SDK1: variants seen among roughly 807,000 people sequenced by gnomAD.
SDK1 encodes the protein sidekick cell adhesion molecule 1.
In SDK1, 157 loss-of-function variants were observed where a neutral mutation model predicts 245.5. The ratio of observed to expected loss-of-function variants is 0.64; its 90% CI spans 0.56 to 0.73. The LOEUF is 0.73. Among genes scored for constraint, SDK1 ranks in the 30% least tolerant of loss-of-function variants. The probability of loss-of-function intolerance (pLI) is 0.00; values close to 1 mark genes in which losing one functional copy is unlikely to be tolerated. For synonymous variants in SDK1, 1,647 were observed against 1,278.5 expected, an observed-to-expected ratio of 1.29 and a Z score of -6.15; for missense variants, 3,583 against 3,002.3, an observed-to-expected ratio of 1.19 and a Z score of -4.52.
At chr7:3,619,933 T>A (rs1222416479) in intron 2 of SDK1, among the ~76,000 whole-genome samples, 2 of 152,192 alleles carry the variant, frequency 1.3e-5, no homozygotes, top group Non-Finnish European at 2.9e-5. Flanking sequence ...CTTACCACGC[T>A]TCAGAGCTTT....
intron 13 of SDK1, among the ~76,000 whole-genome samples, chr7:3,980,705 A>T (rs558626307): frequency 6.6e-6 from 1 of 152,340 alleles, no homozygotes; most frequent in South Asian, 2.1e-4. Flanking sequence ...GCACTTTGGG[A>T]GGCCGAGGCA....
chr7:3,768,760 C>T (rs1329314705), intron 4 of SDK1, among the ~76,000 whole-genome samples: 1 of 152,228 alleles, frequency 6.6e-6, no homozygotes, highest in Non-Finnish European at 1.5e-5. Flanking sequence ...ACCAATGCTT[C>T]ACACTTTCTG....
chr7:4,245,773 AAGG>A lies in SDK1; in HGVS notation c.6352_6354del (p.Glu2118del). The A allele has an allele frequency of 6.2e-7, 1 of 1,613,922 alleles. No homozygotes were observed. The highest frequency in any genetic ancestry group is 1.1e-5 in the South Asian group (1 of 91,068). On this transcript the variant is annotated inframe_deletion, in exon 44 of 45. Transcript: ENST00000404826. ...CGTGCTGACCGAGAGCGTGAGCCTC[AAGG>A]AGAAGTCGGCAGATGCATCAGAATC...
At chr7:4,029,446 A>G (rs1400331630) in intron 17 of SDK1, among the ~76,000 whole-genome samples, 1 of 152,028 alleles carries the variant, frequency 6.6e-6, no homozygotes, top group Non-Finnish European at 1.5e-5. Flanking sequence ...TTTGACCTCA[A>G]GTAATCTGCC....
chr7:4,076,058 A>G (rs1780658416), intron 20 of SDK1, among the ~76,000 whole-genome samples: 1 of 152,210 alleles, frequency 6.6e-6, no homozygotes, highest in East Asian at 1.9e-4. Context: ...AATCAAATTT[A>G]TTAGAAAACA....
intron 12 of SDK1, 118 bp from the exon 13 acceptor site, chr7:3,974,251 G>T (rs771445094): frequency 1.4e-6 from 1 of 735,304 alleles, no homozygotes; most frequent in Non-Finnish European, 2.3e-6. Flanking sequence ...GCACAGTTCA[G>T]TGGTTTTTAA....
At chr7:4,251,640 C>T (rs1787303856) in intron 44 of SDK1, among the ~76,000 whole-genome samples, 2 of 152,198 alleles carry the variant, frequency 1.3e-5, no homozygotes, top group African/African-American at 4.8e-5. Context: ...AGGTGTTTGG[C>T]ATAAACCATA....
At chr7:3,870,429 T>C (rs1353535578) in intron 5 of SDK1, among the ~76,000 whole-genome samples, 1 of 152,148 alleles carries the variant, frequency 6.6e-6, no homozygotes, top group Non-Finnish European at 1.5e-5. Context: ...AAGAAGGACT[T>C]AGCGGGTGTC....
intron 5 of SDK1, among the ~76,000 whole-genome samples, chr7:3,872,402 T>C (rs1179425488): frequency 6.6e-6 from 1 of 152,120 alleles, no homozygotes; most frequent in Non-Finnish European, 1.5e-5. Context: ...ACACTGAGTC[T>C]GGAGTTTTAT....
intron 4 of SDK1, among the ~76,000 whole-genome samples, chr7:3,696,138 A>G (rs1222543320): frequency 6.6e-6 from 1 of 151,924 alleles, no homozygotes; most frequent in Non-Finnish European, 1.5e-5. Context: ...TCTTGCTCCC[A>G]TGTCTTTAAC....
At chr7:3,667,657 G>A (rs1783575391) in intron 4 of SDK1, among the ~76,000 whole-genome samples, 1 of 152,124 alleles carries the variant, frequency 6.6e-6, no homozygotes, top group African/African-American at 2.4e-5. Flanking sequence ...TGTCCCTATA[G>A]TTTTGCATTT....
At position 3,514,463 on chromosome 7, in the gene SDK1, A is replaced by G. The variant is rs141418832; in HGVS notation, c.299-104617A>G. 5.3e-5 allele frequency among the ~76,000 whole-genome samples: 8 copies of G among 152,310 alleles called. No individual in the cohort carries two copies. The East Asian group carries it at 1.5e-3, about 29-fold the overall frequency. ...CAAGGGAAAGGTTTGTTTCTCTCTTAAATGTAGAGAGGTAGATAGTCCAGG... is the reference window on the plus strand; with the variant it reads ...CAAGGGAAAGGTTTGTTTCTCTCTTGAATGTAGAGAGGTAGATAGTCCAGG... On this transcript the variant is annotated intron_variant, in intron 1 of 44. Coordinates refer to ENST00000404826, the MANE Select transcript of SDK1 (RefSeq NM_152744.4).
chr7:3,471,550 CT>C, intron 1 of SDK1, among the ~76,000 whole-genome samples: 1 of 152,214 alleles, frequency 6.6e-6, no homozygotes, highest in African/African-American at 2.4e-5. Context: ...AGTTTCGATT[CT>C]TCACACCATT....
In SDK1 at chr7:4,144,138, G is replaced by A. The variant is rs373733369; in HGVS notation, c.4229-1584G>A. ...ACAGGGGTGTGGGGGAAGGGGAGGC[G>A]TGGGGGAAGGGGAGGCCGGGGGAAA... On this transcript the variant is annotated intron_variant, in intron 28 of 44. Coordinates refer to ENST00000404826, the MANE Select transcript of SDK1 (RefSeq NM_152744.4). Among the ~76,000 whole-genome samples the A allele has an allele frequency of 7.9e-5, 12 of 151,206 alleles. No homozygotes were observed. The East Asian group carries it at 1.8e-3, about 22-fold the overall frequency.
At chr7:3,988,091 T>A (rs956087124) in intron 14 of SDK1, among the ~76,000 whole-genome samples, 2 of 151,186 alleles carry the variant, frequency 1.3e-5, no homozygotes, top group Admixed American at 6.6e-5. Flanking sequence ...TCTCACGGCC[T>A]CTCCAGCTTA....
chr7:4,173,176 G>A (rs1781962098), intron 32 of SDK1, among the ~76,000 whole-genome samples: 1 of 152,206 alleles, frequency 6.6e-6, no homozygotes, highest in Non-Finnish European at 1.5e-5. Flanking sequence ...CTCGTCTTCA[G>A]CCATCTTCTG....
intron 5 of SDK1, among the ~76,000 whole-genome samples, chr7:3,879,719 C>T (rs1243131384): frequency 6.6e-6 from 1 of 152,184 alleles, no homozygotes; most frequent in African/African-American, 2.4e-5. Flanking sequence ...TTCTTTTCTT[C>T]CCCTACACAA....
chr7:3,457,971 G>A (rs1583886555), intron 1 of SDK1, among the ~76,000 whole-genome samples: 3 of 152,178 alleles, frequency 2.0e-5, no homozygotes, highest in African/African-American at 7.2e-5. Flanking sequence ...TAGGTAAAAA[G>A]TTCTTGGTTG....
chr7:3,484,746 G>C (rs1405764289), intron 1 of SDK1, among the ~76,000 whole-genome samples: 1 of 152,138 alleles, frequency 6.6e-6, no homozygotes, highest in African/African-American at 2.4e-5. Context: ...CCACATAGGA[G>C]TGAGAACATG....
Sources: gnomAD v4.1 joint callset for allele counts (sites outside exome capture counted in the v4.1 genomes callset) on GRCh38, gnomAD v4.1.1 for gene constraint, MANE v1.5 for transcripts, NCBI Gene and HGNC (gene_info 2026-07-23, HGNC 2026-07-21) for gene names.